FLRT1: variants seen among roughly 807,000 people sequenced by gnomAD.
FLRT1 encodes leucine-rich repeat transmembrane protein FLRT1.
In FLRT1, 14 loss-of-function variants were observed where a neutral mutation model predicts 30.9. The ratio of observed to expected loss-of-function variants is 0.45; its 90% CI spans 0.30 to 0.71. FLRT1 has a LOEUF of 0.71. Among genes scored for constraint, FLRT1 ranks in the 30% least tolerant of loss-of-function variants. FLRT1 has a pLI of 0.08. For missense variants in FLRT1, 737 were observed against 949.2 expected (o/e 0.78, Z 2.94); for synonymous variants, 368 against 430.4 (o/e 0.85, Z 1.80).
At chr11:64,071,959 C>T (rs1039620142) in intron 1 of FLRT1, among the ~76,000 whole-genome samples, 1 of 152,214 alleles carries the variant, frequency 6.6e-6, no homozygotes, top group African/African-American at 2.4e-5. Context: ...CTGGAGAGGC[C>T]TCAGCTGCCG....
chr11:64,077,487 T>C (rs1029863960), intron 1 of FLRT1, among the ~76,000 whole-genome samples: 2 of 152,060 alleles, frequency 1.3e-5, no homozygotes, highest in Non-Finnish European at 2.9e-5. Flanking sequence ...ACCCAGGTAC[T>C]GATGGGCATT....
chr11:64,080,738 C>T (rs1023558287), intron 1 of FLRT1, among the ~76,000 whole-genome samples: 4 of 152,182 alleles, frequency 2.6e-5, no homozygotes, highest in Non-Finnish European at 5.9e-5. Flanking sequence ...AGGGGACAGG[C>T]CCCCGGCTGG....
chr11:64,063,570 C>T (rs894879243), intron 1 of FLRT1, among the ~76,000 whole-genome samples: 4 of 152,194 alleles, frequency 2.6e-5, no homozygotes, highest in South Asian at 2.1e-4. Flanking sequence ...ACCTTCAATG[C>T]GGCCTCTTCC....
At position 64,119,118 on chromosome 11, in the gene FLRT1, C is replaced by T. The variant is rs1945052645; in HGVS notation, c.*826C>T. ...ATAGAGCCACATGCACGGTCCTTAC[C>T]GTTCTTCTTGGGTCAGTTCTTACCA... On this transcript the variant is annotated 3_prime_UTR_variant, in exon 3 of 3. Transcript: ENST00000682287. 6.0e-6 allele frequency: 1 copy of T among 167,168 alleles called. No individual in the cohort carries two copies. The highest frequency in any genetic ancestry group is 2.4e-5 in the African/African-American group (1 of 41,426). The allele number at this position is 167,168 out of a possible 1,614,324, so 10.4% of individuals were successfully genotyped here. A position where few individuals can be genotyped will look rare whatever the true frequency, so the allele number is the denominator to read the frequency against.
chr11:64,054,868 A>T (rs538231577), intron 1 of FLRT1, among the ~76,000 whole-genome samples: 99 of 151,036 alleles, frequency 6.6e-4, no homozygotes, highest in African/African-American at 2.3e-3. Context: ...GAATTCTAGC[A>T]TCTCCCGTGA....
chr11:64,057,239 G>T (rs940577162), intron 1 of FLRT1, among the ~76,000 whole-genome samples: 1 of 152,230 alleles, frequency 6.6e-6, no homozygotes, highest in Non-Finnish European at 1.5e-5. Context: ...GGGGCTGAAC[G>T]TAGGGGACGG....
chr11:64,099,844 GATGA>G (rs1258839258), intron 1 of FLRT1, among the ~76,000 whole-genome samples: 4 of 151,850 alleles, frequency 2.6e-5, no homozygotes, highest in African/African-American at 9.7e-5. Context: ...TGGATGGATG[GATGA>G]ATGAATAGAG....
intron 2 of FLRT1, among the ~76,000 whole-genome samples, chr11:64,110,737 C>T (rs1944847207): frequency 6.6e-6 from 1 of 152,198 alleles, no homozygotes; most frequent in African/African-American, 2.4e-5. Context: ...CTGAGGGATC[C>T]ACGCAAGGGC....
chr11:64,085,164 G>A (rs930868564), intron 1 of FLRT1, among the ~76,000 whole-genome samples: 39 of 152,198 alleles, frequency 2.6e-4, no homozygotes, highest in Admixed American at 2.6e-4. Flanking sequence ...GGGGCTTGAG[G>A]GCAGAGGGCA....
intron 1 of FLRT1, among the ~76,000 whole-genome samples, chr11:64,039,521 C>G (rs502224): frequency 6.6e-6 from 1 of 151,930 alleles, no homozygotes; most frequent in African/African-American, 2.4e-5. Flanking sequence ...CCATGGGACA[C>G]TCACCCTGAG....
Position 64,118,127 on chromosome 11 carries a change from GA to G in FLRT1, c.1861del (p.Met621CysfsTer49). The G allele has an allele frequency of 6.2e-7, 1 of 1,613,364 alleles. No individual in the cohort carries two copies. The highest frequency in any genetic ancestry group is 8.5e-7 in the Non-Finnish European group (1 of 1,179,582). On this transcript the variant is annotated frameshift_variant, in exon 3 of 3. Coordinates refer to ENST00000682287, the MANE Select transcript of FLRT1 (RefSeq NM_013280.5). LOFTEE classifies it high-confidence loss of function. ...TGGAAATCCGCGGCCCTGGGCTGCA[GA>G]TGCTGCCCATCAACCCGTACCGCGC... The part of the protein sequence containing the change: ...ILEIRGPGLQ[M>X]LPINPYRAKE...
At chr11:64,093,098 T>G (rs1944519040) in intron 1 of FLRT1, among the ~76,000 whole-genome samples, 1 of 152,156 alleles carries the variant, frequency 6.6e-6, no homozygotes, top group African/African-American at 2.4e-5. Flanking sequence ...TGTGGGACCC[T>G]GGGCAGGCTC....
intron 1 of FLRT1, among the ~76,000 whole-genome samples, chr11:64,042,021 C>T (rs941796108): frequency 1.3e-5 from 2 of 152,060 alleles, no homozygotes; most frequent in African/African-American, 2.4e-5. Context: ...CTTCCTTCTT[C>T]GCTCACTCAC....
chr11:64,086,788 C>G (rs984060553), intron 1 of FLRT1: 1 of 152,242 alleles, frequency 6.6e-6, no homozygotes, highest in Non-Finnish European at 1.5e-5. Flanking sequence ...TGGAGCTGGA[C>G]GTGAGCCCTC....
chr11:64,060,400 G>T (rs1345887378), intron 1 of FLRT1: 2 of 152,286 alleles, frequency 1.3e-5, no homozygotes, highest in Non-Finnish European at 2.9e-5. Context: ...CGGATTGGTT[G>T]TGTTTCCGGA....
rs541769594 is a variant in FLRT1, at chr11:64,063,358, G to A, written c.-1038+27199G>A. On this transcript the variant is annotated intron_variant, in intron 1 of 2. Coordinates refer to ENST00000682287, the MANE Select transcript of FLRT1 (RefSeq NM_013280.5). ...CTGGGTGCAGGGAGGTGCCACACACGTGTCAACTGAAAATCCAGCAGAGAC... is the reference window on the plus strand; with the variant it reads ...CTGGGTGCAGGGAGGTGCCACACACATGTCAACTGAAAATCCAGCAGAGAC... Among the ~76,000 whole-genome samples the A allele has an allele frequency of 1.2e-4, 18 of 152,270 alleles. No homozygotes were observed. The South Asian group carries it at 2.3e-3, about 19-fold the overall frequency.
chr11:64,099,713 G>C, intron 1 of FLRT1, among the ~76,000 whole-genome samples: 1 of 151,160 alleles, frequency 6.6e-6, no homozygotes, highest in South Asian at 2.1e-4. Context: ...GAAGGATGGA[G>C]AGATAGATGG....
At chr11:64,115,147 C>A (rs1489013745) in intron 2 of FLRT1, among the ~76,000 whole-genome samples, 5 of 152,192 alleles carry the variant, frequency 3.3e-5, no homozygotes, top group Admixed American at 6.5e-5. Context: ...TGTTTTACAG[C>A]AGACTTTTGC....
At chr11:64,113,884 ATGGATGGATGGAT>A (rs1565238862) in intron 2 of FLRT1, among the ~76,000 whole-genome samples, 1 of 146,568 alleles carries the variant, frequency 6.8e-6, no homozygotes, top group African/African-American at 2.6e-5. Flanking sequence ...GGATGGATGG[ATGGATGGATGGAT>A]GGATGGATGG....
Sources: gnomAD v4.1 joint callset for allele counts (sites outside exome capture counted in the v4.1 genomes callset) on GRCh38, gnomAD v4.1.1 for gene constraint, MANE v1.5 for transcripts, NCBI Gene and HGNC (gene_info 2026-07-23, HGNC 2026-07-21) for gene names.